TNPO3: variants seen among roughly 807,000 people sequenced by gnomAD.
TNPO3 encodes the protein transportin 3.
A neutral mutation model predicts 122.8 loss-of-function variants in TNPO3; 65 were observed. That is an observed-to-expected ratio of 0.53 (90% CI 0.43 to 0.65). The LOEUF is 0.65. Ranked by LOEUF, TNPO3 falls within the 30% of genes least tolerant of loss-of-function variation. The pLI is 0.00. For missense variants in TNPO3, 850 were observed against 1,136.7 expected, an observed-to-expected ratio of 0.75 and a Z score of 3.63; for synonymous variants, 372 against 411.2, an observed-to-expected ratio of 0.90 and a Z score of 1.15.
At chr7:128,970,581 T>G (rs1400028147) in intron 19 of TNPO3, among the ~76,000 whole-genome samples, 1 of 152,200 alleles carries the variant, frequency 6.6e-6, no homozygotes, top group African/African-American at 2.4e-5. Context: ...AATGCTTAGA[T>G]TTTTCATGAT....
At chr7:128,962,470 C>A (rs1488831117) in intron 21 of TNPO3, among the ~76,000 whole-genome samples, 1 of 152,054 alleles carries the variant, frequency 6.6e-6, no homozygotes, top group Non-Finnish European at 1.5e-5. Flanking sequence ...TTCACCCTCT[C>A]TGCCAGAATG....
chr7:129,054,937 G>A lies in TNPO3; in HGVS notation c.-167C>T. The A allele has an allele frequency of 1.2e-6, 1 of 854,286 alleles. No homozygotes were observed. Among genetic ancestry groups the A allele is most frequent in the Non-Finnish European group, 1.8e-6 (1 of 564,898 alleles). The allele number at this position is 854,286 out of a possible 1,614,324, so 52.9% of individuals were successfully genotyped here. On this transcript the variant is annotated 5_prime_UTR_variant, in exon 1 of 23. Transcript: ENST00000265388. ...GGGCAGAAGGCTCTCCGTGGAAGTT[G>A]CCCCCTCGGAAACAGCTATTAGGTC... is the stretch of plus-strand genomic sequence containing the variant.
chr7:128,976,868 T>C (rs1017836145), intron 16 of TNPO3, among the ~76,000 whole-genome samples: 1 of 152,232 alleles, frequency 6.6e-6, no homozygotes, highest in Non-Finnish European at 1.5e-5. Flanking sequence ...ATCCATTCCA[T>C]GTTGTAAACT....
At chr7:129,032,396 G>A (rs755093471) in intron 1 of TNPO3, among the ~76,000 whole-genome samples, 1 of 152,180 alleles carries the variant, frequency 6.6e-6, no homozygotes, top group Non-Finnish European at 1.5e-5. Flanking sequence ...TAAATTGAAA[G>A]GAAGATGTAA....
Position 128,986,988 on chromosome 7 carries a change from A to T in TNPO3, c.1499-68T>A, listed in dbSNP as rs575078607. ...AGGAAAACTTCTAGTTTATTAAAAC[A>T]GAGGTATACTTGCTTTTCTTTTTTT... On this transcript the variant is annotated intron_variant, in intron 11 of 22. Coordinates refer to ENST00000265388, the MANE Select transcript of TNPO3 (RefSeq NM_012470.4). 2.0e-5 allele frequency: 30 copies of T among 1,474,164 alleles called. No individual in the cohort carries two copies. In the African/African-American group the frequency reaches 4.0e-4, roughly 20 times the overall value. The allele number at this position is 1,474,164 out of a possible 1,614,324, so 91.3% of individuals were successfully genotyped here.
At chr7:129,032,928 C>T (rs1393797019) in intron 1 of TNPO3, among the ~76,000 whole-genome samples, 1 of 152,150 alleles carries the variant, frequency 6.6e-6, no homozygotes, top group Non-Finnish European at 1.5e-5. Flanking sequence ...AGGTCTCATA[C>T]TTCTAATTTC....
At chr7:128,997,748 C>T (rs1221301840) in intron 7 of TNPO3, among the ~76,000 whole-genome samples, 1 of 152,172 alleles carries the variant, frequency 6.6e-6, no homozygotes, top group East Asian at 1.9e-4. Context: ...GAATGACTGG[C>T]TTTACATTCC....
At chr7:129,005,210 A>C in intron 4 of TNPO3, 51 bp from the exon 5 acceptor site, 1 of 1,508,588 alleles carries the variant, frequency 6.6e-7, no homozygotes, top group Non-Finnish European at 9.0e-7. Context: ...ATATATTTAA[A>C]CCATTATTTC....
At chr7:129,048,283 C>T (rs1808292802) in intron 1 of TNPO3, among the ~76,000 whole-genome samples, 2 of 152,154 alleles carry the variant, frequency 1.3e-5, no homozygotes, top group South Asian at 2.1e-4. Flanking sequence ...AATCCCAGCA[C>T]TTTGGGAGGC....
chr7:129,011,999 CTTTCT>C (rs1341319017), intron 4 of TNPO3, among the ~76,000 whole-genome samples: 9 of 132,162 alleles, frequency 6.8e-5, no homozygotes, highest in African/African-American at 2.2e-4. Context: ...TTTTCTTTTT[CTTTCT>C]TTTTTTTTTT....
chr7:129,015,575 TTA>T (rs1803747793), intron 3 of TNPO3, among the ~76,000 whole-genome samples: 1 of 152,186 alleles, frequency 6.6e-6, no homozygotes, highest in African/African-American at 2.4e-5. Context: ...TGGCTCATGC[TTA>T]TGATCCCAGC....
At chr7:128,968,300 GTTTAA>G (rs762171945) in intron 20 of TNPO3, among the ~76,000 whole-genome samples, 2 of 151,984 alleles carry the variant, frequency 1.3e-5, no homozygotes, top group Non-Finnish European at 2.9e-5. Flanking sequence ...TCTTGTTGCT[GTTTAA>G]TTTACTTATA....
rs774279053 is a variant in TNPO3 at position 128,979,044 on chromosome 7, C to T, written c.2000G>A (p.Arg667His). ...TTTGCCTACACAGCGAACAGCAAAG[C>T]GCAGGCACCTGCAACAACGCTCTAC... ...RIVERCCRCL[R>H]FAVRCVGKGS... The change falls in exon 16 of 23, where the codon CGC becomes CAC. Residue 667 changes from arginine to histidine, a missense_variant. Arg to His is a conservative substitution (Grantham distance 29, BLOSUM62 0). Coordinates refer to ENST00000265388, the MANE Select transcript of TNPO3 (RefSeq NM_012470.4). 2 of 1,614,242 alleles carry T rather than the reference C, an allele frequency of 1.2e-6. No individual in the cohort carries two copies. The highest frequency in any genetic ancestry group is 2.7e-5 in the African/African-American group (2 of 75,060).
chr7:128,968,092 A>C (rs1484411379), intron 20 of TNPO3, among the ~76,000 whole-genome samples: 6 of 152,162 alleles, frequency 3.9e-5, no homozygotes, highest in African/African-American at 1.4e-4. Context: ...TTAAAGATCA[A>C]AAGTGATCCA....
chr7:129,039,282 C>A (rs1807076006), intron 1 of TNPO3, among the ~76,000 whole-genome samples: 1 of 152,106 alleles, frequency 6.6e-6, no homozygotes, highest in South Asian at 2.1e-4. Context: ...GCGTTATCAC[C>A]CAGGCACAGT....
intron 10 of TNPO3, chr7:128,990,308 C>T (rs1386257521): frequency 6.2e-6 from 4 of 647,044 alleles, no homozygotes; most frequent in African/African-American, 1.8e-5. Context: ...TCAGGAAAAG[C>T]ATACTGCTCC....
intron 1 of TNPO3, among the ~76,000 whole-genome samples, chr7:129,042,130 A>C (rs1807450506): frequency 6.6e-6 from 1 of 152,198 alleles, no homozygotes. Context: ...AACTCCTCAA[A>C]TTAAGCAGAA....
chr7:129,014,433 G>A (rs760615459), intron 4 of TNPO3, among the ~76,000 whole-genome samples: 1 of 152,168 alleles, frequency 6.6e-6, no homozygotes, highest in African/African-American at 2.4e-5. Flanking sequence ...TGAGGTGAGA[G>A]GATCACTTGA....
Position 128,975,858 on chromosome 7 carries a change from C to T in TNPO3, c.2139G>A (p.Met713Ile). The T allele has an allele frequency of 6.2e-7, 1 of 1,613,990 alleles. No individual in the cohort carries two copies. Among genetic ancestry groups the T allele is most frequent in the Non-Finnish European group, 8.5e-7 (1 of 1,179,898 alleles). Residue 713 changes from methionine to isoleucine, a missense_variant, in exon 17 of 23, where the codon ATG becomes ATA. Transcript: ENST00000265388. ...GCAGTCCCTGCCGACAGCCTTCTTCCATGCCATATTCATCCACAAGGATAC... is the reference window on the plus strand; with the variant it reads ...GCAGTCCCTGCCGACAGCCTTCTTCTATGCCATATTCATCCACAAGGATAC... ...LGSILVDEYG[M>I]EEGCRQGLLD...
Sources: gnomAD v4.1 joint callset for allele counts (sites outside exome capture counted in the v4.1 genomes callset) on GRCh38, gnomAD v4.1.1 for gene constraint, MANE v1.5 for transcripts, NCBI Gene and HGNC (gene_info 2026-07-23, HGNC 2026-07-21) for gene names.